SNTG2: variants seen among roughly 807,000 people sequenced by gnomAD.
SNTG2 encodes gamma-2-syntrophin.
Under a neutral mutation model 70.9 loss-of-function variants are expected in SNTG2, and 74 were observed. The observed-to-expected ratio is 1.04, with a 90% confidence interval of 0.86 to 1.27. The LOEUF is 1.27. Ranked by LOEUF, SNTG2 falls within the 50% of genes most tolerant of loss-of-function variation. The probability of loss-of-function intolerance (pLI) is 0.00; values close to 1 mark genes in which losing one functional copy is unlikely to be tolerated. For missense variants in SNTG2, 717 were observed against 690.7 expected (o/e 1.04, Z -0.43); for synonymous variants, 278 against 273.8 (o/e 1.02, Z -0.15).
At chr2:1,132,229 ATGTG>A (rs1370596111) in intron 4 of SNTG2, among the ~76,000 whole-genome samples, 3 of 115,408 alleles carry the variant, frequency 2.6e-5, no homozygotes. Flanking sequence ...ATGTGTATAT[ATGTG>A]TGTGTATATA....
rs187594215 is a variant in SNTG2, at chr2:1,326,365, T to C, written c.1488+9990T>C. ...TATTTTAAGGTCAAAAAGGCAATTT[T>C]AGATTTTGAAATTTTATTTTGGAAA... On this transcript the variant is annotated intron_variant, in intron 16 of 16. Transcript: ENST00000308624. Among the ~76,000 whole-genome samples the C allele has an allele frequency of 6.2e-4, 95 of 152,340 alleles. 1 individual carries two copies. The highest frequency in any genetic ancestry group is 2.2e-3 in the African/African-American group (92 of 41,576).
chr2:1,277,529 G>T (rs1436292911), intron 14 of SNTG2, among the ~76,000 whole-genome samples: 1 of 152,224 alleles, frequency 6.6e-6, no homozygotes, highest in East Asian at 1.9e-4. Flanking sequence ...ACAGTATAGT[G>T]TAAGCCCAAT....
chr2:1,167,165 C>T (rs1301885588), intron 7 of SNTG2, among the ~76,000 whole-genome samples: 1 of 152,210 alleles, frequency 6.6e-6, no homozygotes, highest in Non-Finnish European at 1.5e-5. Context: ...AGCCTACAAG[C>T]CACCCACGGA....
At chr2:1,313,470 G>C (rs12477102) in intron 15 of SNTG2, among the ~76,000 whole-genome samples, 1 of 152,126 alleles carries the variant, frequency 6.6e-6, no homozygotes, top group East Asian at 1.9e-4. Context: ...GCCACATTCC[G>C]ACCTAGAATG....
At chr2:1,247,208 G>A (rs935425440) in intron 11 of SNTG2, 119 bp from the exon 12 acceptor site, 17 of 607,548 alleles carry the variant, frequency 2.8e-5, no homozygotes, top group South Asian at 1.9e-4. Flanking sequence ...CGTTTCTCCC[G>A]TCTCCTGATT....
intron 1 of SNTG2, among the ~76,000 whole-genome samples, chr2:1,067,360 C>A (rs1289230358): frequency 2.0e-5 from 3 of 152,194 alleles, no homozygotes; most frequent in Admixed American, 6.5e-5. Flanking sequence ...ATTCACCATA[C>A]ATTACAAAAA....
chr2:1,331,870 A>G (rs1457748024), intron 16 of SNTG2, among the ~76,000 whole-genome samples: 9 of 152,244 alleles, frequency 5.9e-5, no homozygotes. Context: ...ACTCCTGGGC[A>G]GGGTACCAGG....
intron 14 of SNTG2, among the ~76,000 whole-genome samples, chr2:1,292,316 T>C (rs1306404433): frequency 6.6e-6 from 1 of 152,194 alleles, no homozygotes; most frequent in Non-Finnish European, 1.5e-5. Context: ...TTTTGTTTTT[T>C]CTTTCCTATT....
intron 4 of SNTG2, among the ~76,000 whole-genome samples, chr2:1,114,395 CT>C (rs1468461161): frequency 1.3e-5 from 2 of 151,728 alleles, no homozygotes; most frequent in African/African-American, 4.8e-5. Flanking sequence ...CCTTACACTC[CT>C]TTGAGGAGAA....
chr2:1,089,672 C>T (rs113980024), intron 2 of SNTG2, among the ~76,000 whole-genome samples: 7,351 of 152,244 alleles, frequency 0.048, 251 homozygotes, highest in Non-Finnish European at 0.076. Context: ...TGTTTGTGTA[C>T]GAGGGTGTGT....
intron 1 of SNTG2, among the ~76,000 whole-genome samples, chr2:1,069,512 G>C (rs897823328): frequency 6.6e-6 from 1 of 151,452 alleles, no homozygotes; most frequent in Non-Finnish European, 1.5e-5. Flanking sequence ...ACAAAAACAG[G>C]CTGGGCGCAG....
chr2:1,324,472 T>C (rs909457752), intron 16 of SNTG2, among the ~76,000 whole-genome samples: 3 of 152,268 alleles, frequency 2.0e-5, no homozygotes, highest in Non-Finnish European at 4.4e-5. Context: ...AGAGAACCTA[T>C]TCTATTAGGA....
intron 4 of SNTG2, among the ~76,000 whole-genome samples, chr2:1,129,851 C>G (rs537372246): frequency 2.6e-5 from 4 of 152,166 alleles, no homozygotes; most frequent in African/African-American, 9.6e-5. Context: ...CAAGAGAATG[C>G]CTTTAAATAC....
At chr2:1,200,251 A>G (rs1016549919) in intron 8 of SNTG2, among the ~76,000 whole-genome samples, 1 of 152,028 alleles carries the variant, frequency 6.6e-6, no homozygotes, top group African/African-American at 2.4e-5. Context: ...AAAGATACCA[A>G]GAACATACAT....
At chr2:1,309,854 G>A (rs1467466922) in intron 15 of SNTG2, among the ~76,000 whole-genome samples, 1 of 152,244 alleles carries the variant, frequency 6.6e-6, no homozygotes, top group East Asian at 1.9e-4. Context: ...AGAGTGGGAA[G>A]TAGCTTCAGG....
At chr2:1,253,929 T>C (rs1045755049) in intron 12 of SNTG2, among the ~76,000 whole-genome samples, 3 of 151,692 alleles carry the variant, frequency 2.0e-5, no homozygotes, top group African/African-American at 7.3e-5. Flanking sequence ...AATAGAACCA[T>C]GGCCAGAGAA....
chr2:996,673 G>GTTTTTTTTTTTTTTTT lies in SNTG2; in HGVS notation c.72+45621_72+45636dup. 3.2e-3 allele frequency among the ~76,000 whole-genome samples: 114 copies of GTTTTTTTTTTTTTTTT among 35,090 alleles called. 29 individuals are homozygous for GTTTTTTTTTTTTTTTT. The highest frequency in any genetic ancestry group is 8.4e-3 in the African/African-American group (67 of 7,982). 23.0% of individuals were successfully genotyped at this position (35,090 alleles called of 152,430 possible). On this transcript the variant is annotated intron_variant, in intron 1 of 16. Transcript: ENST00000308624. ...ATATTGCTTGTATTTGAGTTACCCA[G>GTTTTTTTTTTTTTTTT]TTTTTTTTTTTTTTTTTTTTTTTTT...
chr2:1,086,107 G>C (rs563274775), intron 2 of SNTG2, among the ~76,000 whole-genome samples: 63 of 152,246 alleles, frequency 4.1e-4, no homozygotes, highest in African/African-American at 1.4e-3. Flanking sequence ...ATAATCTAAG[G>C]GATGCTCTCT....
chr2:1,162,286 G>A (rs960603963), intron 6 of SNTG2, among the ~76,000 whole-genome samples: 4 of 152,180 alleles, frequency 2.6e-5, no homozygotes, highest in Middle Eastern at 3.4e-3. Context: ...TATGGAGGTG[G>A]GCAGGGAGGT....
Sources: allele counts gnomAD v4.1 joint callset (sites outside exome capture counted in the v4.1 genomes callset), GRCh38; gene constraint gnomAD v4.1.1; transcripts MANE v1.5; gene names NCBI Gene and HGNC (gene_info 2026-07-23, HGNC 2026-07-21).